The following COMMD10 variants were observed in gnomAD, a reference collection of about 807,000 sequenced individuals.
COMMD10 encodes the protein COMM domain-containing protein 10.
COMMD10 carries 33 observed loss-of-function variants against 28.9 expected under a neutral mutation model. The ratio of observed to expected loss-of-function variants is 1.14; its 90% CI spans 0.87 to 1.53. The LOEUF (loss-of-function observed/expected upper bound fraction) is 1.53. COMMD10 is among the 40% of genes most tolerant of loss of function. COMMD10 has a pLI of 0.00. For synonymous variants in COMMD10, 110 were observed against 81.7 expected, an observed-to-expected ratio of 1.35 and a Z score of -1.87; for missense variants, 310 against 233.4, an observed-to-expected ratio of 1.33 and a Z score of -2.14.
At chr5:116,126,686 A>G (rs887989528) in intron 4 of COMMD10, among the ~76,000 whole-genome samples, 3 of 152,122 alleles carry the variant, frequency 2.0e-5, no homozygotes, top group Non-Finnish European at 4.4e-5. Context: ...AGGATTCCCT[A>G]TTTAATAAAT....
intron 5 of COMMD10, among the ~76,000 whole-genome samples, chr5:116,276,911 T>C (rs957309568): frequency 3.3e-5 from 5 of 151,630 alleles, no homozygotes; most frequent in Non-Finnish European, 7.4e-5. Flanking sequence ...CTAAAGGACA[T>C]AGGGTATCTT....
chr5:116,188,421 T>C (rs1245858715), intron 5 of COMMD10: 3 of 150,178 alleles, frequency 2.0e-5, no homozygotes, highest in African/African-American at 7.5e-5. Context: ...AATATCTTTC[T>C]TGTGTTTCTT....
At chr5:116,141,388 A>G (rs184769272) in intron 5 of COMMD10, among the ~76,000 whole-genome samples, 26 of 151,458 alleles carry the variant, frequency 1.7e-4, no homozygotes, top group Admixed American at 5.3e-4. Flanking sequence ...TACTTTCTCA[A>G]GATTATTTTG....
chr5:116,256,107 G>T (rs1045496811), intron 5 of COMMD10, among the ~76,000 whole-genome samples: 1 of 151,548 alleles, frequency 6.6e-6, no homozygotes, highest in African/African-American at 2.4e-5. Context: ...AATATCCCAC[G>T]GGTGATAAGT....
At chr5:116,248,863 A>G (rs977108861) in intron 5 of COMMD10, among the ~76,000 whole-genome samples, 13 of 152,000 alleles carry the variant, frequency 8.6e-5, no homozygotes, top group African/African-American at 2.9e-4. Context: ...AAAACAAAAA[A>G]GCAATTTCTC....
At chr5:116,116,794 C>A (rs2112745066) in intron 4 of COMMD10, among the ~76,000 whole-genome samples, 1 of 151,178 alleles carries the variant, frequency 6.6e-6, no homozygotes, top group Non-Finnish European at 1.5e-5. Context: ...TCTCGGCTCA[C>A]TGCAAGCTCC....
intron 4 of COMMD10, among the ~76,000 whole-genome samples, chr5:116,093,469 C>G (rs995780594): frequency 6.6e-6 from 1 of 152,124 alleles, no homozygotes; most frequent in African/African-American, 2.4e-5. Context: ...TGTCCACATT[C>G]TTGCTGCAGA....
At chr5:116,128,084 T>A (rs538653426) in intron 4 of COMMD10, among the ~76,000 whole-genome samples, 84 of 152,160 alleles carry the variant, frequency 5.5e-4, no homozygotes, top group African/African-American at 2.0e-3. Flanking sequence ...AATGCTGCTG[T>A]TTTTAGAGAG....
chr5:116,121,394 G>A (rs6866454), intron 4 of COMMD10, among the ~76,000 whole-genome samples: 1 of 152,002 alleles, frequency 6.6e-6, no homozygotes, highest in African/African-American at 2.4e-5. Flanking sequence ...CTGGACATTC[G>A]GGTTGGTTCC....
At chr5:116,180,474 G>C (rs10076547) in intron 5 of COMMD10, among the ~76,000 whole-genome samples, 47,392 of 151,666 alleles carry the variant, frequency 0.31, 10,214 homozygotes, top group African/African-American at 0.62. Flanking sequence ...CTGTATTAGT[G>C]TTGGGATAAT....
At chr5:116,229,042 C>T (rs1247245436) in intron 5 of COMMD10, among the ~76,000 whole-genome samples, 2 of 151,954 alleles carry the variant, frequency 1.3e-5, no homozygotes, top group Non-Finnish European at 1.5e-5. Flanking sequence ...AGAAGTTTCA[C>T]ATTAGAAAGA....
intron 5 of COMMD10, among the ~76,000 whole-genome samples, chr5:116,187,275 C>G (rs1292700545): frequency 6.6e-6 from 1 of 151,988 alleles, no homozygotes; most frequent in East Asian, 1.9e-4. Context: ...AAATGTTTAG[C>G]TAAAATGTGT....
chr5:116,253,444 A>G (rs1750182911), intron 5 of COMMD10, among the ~76,000 whole-genome samples: 1 of 150,986 alleles, frequency 6.6e-6, no homozygotes, highest in Non-Finnish European at 1.5e-5. Context: ...TGTCATAGAT[A>G]GCTCTTATTA....
chr5:116,251,579 T>A (rs1349103286), intron 5 of COMMD10, among the ~76,000 whole-genome samples: 1 of 151,248 alleles, frequency 6.6e-6, no homozygotes, highest in Non-Finnish European at 1.5e-5. Context: ...TTACTGAGAA[T>A]GATGATTTCC....
chr5:116,151,954 G>A (rs1561633498), intron 5 of COMMD10, among the ~76,000 whole-genome samples: 1 of 152,146 alleles, frequency 6.6e-6, no homozygotes, highest in South Asian at 2.1e-4. Context: ...ATGTTAGGGT[G>A]TCAGTTTTTG....
intron 5 of COMMD10, among the ~76,000 whole-genome samples, chr5:116,247,501 T>C (rs804140): frequency 0.38 from 57,185 of 151,810 alleles, 13,343 homozygotes; most frequent in African/African-American, 0.67. Flanking sequence ...ATAAACCATT[T>C]TATTATAAAG....
chr5:116,270,541 C>T (rs953608928), intron 5 of COMMD10, among the ~76,000 whole-genome samples: 1 of 151,820 alleles, frequency 6.6e-6, no homozygotes, highest in Admixed American at 6.6e-5. Context: ...ATTCAGCATT[C>T]TGATTTCTGA....
intron 5 of COMMD10, among the ~76,000 whole-genome samples, chr5:116,244,552 A>AG (rs547510104): frequency 6.6e-6 from 1 of 151,126 alleles, no homozygotes; most frequent in Non-Finnish European, 1.5e-5. Flanking sequence ...GAAATATCTG[A>AG]GGAGGGGTAA....
intron 5 of COMMD10, among the ~76,000 whole-genome samples, chr5:116,266,554 T>C (rs1750589201): frequency 6.6e-6 from 1 of 151,854 alleles, no homozygotes; most frequent in African/African-American, 2.4e-5. Context: ...ACTACTTCTA[T>C]TACACTCTTT....
Sources: gnomAD v4.1 joint callset for allele counts (sites outside exome capture counted in the v4.1 genomes callset) on GRCh38, gnomAD v4.1.1 for gene constraint, MANE v1.5 for transcripts, NCBI Gene and HGNC (gene_info 2026-07-23, HGNC 2026-07-21) for gene names.